RPS6KC1: variants seen among roughly 807,000 people sequenced by gnomAD.
RPS6KC1 encodes ribosomal protein S6 kinase C1.
In RPS6KC1, 54 loss-of-function variants were observed where a neutral mutation model predicts 103.8. The ratio of observed to expected loss-of-function variants is 0.52; its 90% confidence interval spans 0.42 to 0.65. RPS6KC1 has a LOEUF of 0.65. Ranked by LOEUF, RPS6KC1 falls within the 30% of genes least tolerant of loss-of-function variation. The pLI, the probability that RPS6KC1 is intolerant of heterozygous loss-of-function variation, is 0.00. For synonymous variants in RPS6KC1, 439 were observed against 438.7 expected (o/e 1.00, Z -0.01); for missense variants, 1,151 against 1,253.8 (o/e 0.92, Z 1.24).
At chr1:213,317,156 G>A in the RPS6KC1 span, among the ~76,000 whole-genome samples, 4 of 152,210 alleles carry the variant, frequency 2.6e-5, no homozygotes, top group African/African-American at 9.7e-5. Context: ...TATAACTTGG[G>A]TGTATGTAAA....
the RPS6KC1 span, among the ~76,000 whole-genome samples, chr1:213,485,512 G>A: frequency 6.6e-6 from 1 of 152,084 alleles, no homozygotes; most frequent in Non-Finnish European, 1.5e-5. Context: ...GCATCACAAA[G>A]GGAAGAACCA....
At chr1:213,260,415 C>T (rs1175666825) in intron 12 of RPS6KC1, among the ~76,000 whole-genome samples, 3 of 152,144 alleles carry the variant, frequency 2.0e-5, no homozygotes, top group Non-Finnish European at 2.9e-5. Flanking sequence ...GTGTTTTGCA[C>T]AGGAATGGCT....
the RPS6KC1 span, among the ~76,000 whole-genome samples, chr1:213,805,469 A>T: frequency 6.6e-6 from 1 of 152,248 alleles, no homozygotes; most frequent in East Asian, 1.9e-4. Flanking sequence ...TCTCAAAAAA[A>T]CCACTTTCTT....
chr1:213,634,347 A>G, the RPS6KC1 span, among the ~76,000 whole-genome samples: 1 of 152,210 alleles, frequency 6.6e-6, no homozygotes, highest in Non-Finnish European at 1.5e-5. Flanking sequence ...CTCCTTAGCA[A>G]ATGTAAAAGA....
the RPS6KC1 span, among the ~76,000 whole-genome samples, chr1:213,434,321 G>A: frequency 1.3e-5 from 2 of 151,958 alleles, no homozygotes; most frequent in Non-Finnish European, 2.9e-5. Flanking sequence ...AGATATTCTT[G>A]TTGGGTATAG....
the RPS6KC1 span, among the ~76,000 whole-genome samples, chr1:213,288,016 T>G: frequency 6.6e-6 from 1 of 152,230 alleles, no homozygotes; most frequent in Non-Finnish European, 1.5e-5. Context: ...TTAGCACCTA[T>G]TCTCTCCGCA....
chr1:213,769,875 G>C, the RPS6KC1 span, among the ~76,000 whole-genome samples: 2 of 152,126 alleles, frequency 1.3e-5, no homozygotes, highest in Non-Finnish European at 2.9e-5. Flanking sequence ...ACCGGGTGTT[G>C]ATAAAGTAGA....
the RPS6KC1 span, among the ~76,000 whole-genome samples, chr1:213,508,389 G>A: frequency 6.6e-6 from 1 of 152,162 alleles, no homozygotes; most frequent in African/African-American, 2.4e-5. Context: ...GAAAAATTTG[G>A]CCCCCAGAAA....
intron 8 of RPS6KC1, among the ~76,000 whole-genome samples, chr1:213,218,890 G>T (rs925247725): frequency 4.6e-5 from 7 of 152,168 alleles, no homozygotes; most frequent in Non-Finnish European, 1.0e-4. Context: ...AGACTTAAAT[G>T]TTAGACCTAA....
intron 8 of RPS6KC1, among the ~76,000 whole-genome samples, chr1:213,217,641 G>A (rs1462014083): frequency 6.6e-6 from 1 of 152,184 alleles, no homozygotes; most frequent in African/African-American, 2.4e-5. Context: ...CTGGCAAACT[G>A]AATCCAGCAG....
At chr1:213,715,354 G>A in the RPS6KC1 span, among the ~76,000 whole-genome samples, 3 of 152,164 alleles carry the variant, frequency 2.0e-5, no homozygotes, top group Admixed American at 6.5e-5. Flanking sequence ...TCTTCATAGC[G>A]GGTAAGACCA....
chr1:213,587,955 T>C, the RPS6KC1 span, among the ~76,000 whole-genome samples: 2 of 152,314 alleles, frequency 1.3e-5, no homozygotes, highest in Admixed American at 6.5e-5. Flanking sequence ...AATTTATTGT[T>C]CACAGTTTTG....
intron 12 of RPS6KC1, among the ~76,000 whole-genome samples, chr1:213,250,033 A>T (rs2094518430): frequency 6.6e-6 from 1 of 152,182 alleles, no homozygotes; most frequent in Non-Finnish European, 1.5e-5. Flanking sequence ...GCCTAGCCTG[A>T]ACTAGCTGAG....
At chr1:213,215,286 A>C (rs1271256360) in intron 8 of RPS6KC1, among the ~76,000 whole-genome samples, 1 of 152,220 alleles carries the variant, frequency 6.6e-6, no homozygotes, top group East Asian at 1.9e-4. Context: ...CAGTGATGGA[A>C]GATCAAATGA....
the RPS6KC1 span, among the ~76,000 whole-genome samples, chr1:213,464,757 C>T: frequency 6.6e-6 from 1 of 151,358 alleles, no homozygotes; most frequent in African/African-American, 2.4e-5. Flanking sequence ...TTTTTCATTT[C>T]AAAATAGTTT....
the RPS6KC1 span, among the ~76,000 whole-genome samples, chr1:213,442,866 A>C: frequency 2.0e-5 from 3 of 151,668 alleles, no homozygotes; most frequent in African/African-American, 7.3e-5. Flanking sequence ...CAGGCACTTG[A>C]TCCATCTGGG....
At chr1:213,117,274 T>C (rs768430576) in intron 4 of RPS6KC1, 43 bp from the exon 5 acceptor site, 2 of 1,141,580 alleles carry the variant, frequency 1.8e-6, no homozygotes, top group Non-Finnish European at 2.6e-6. Context: ...GTGTTGTTTA[T>C]GCTCTTAATG....
intron 3 of RPS6KC1, among the ~76,000 whole-genome samples, chr1:213,086,492 G>A (rs988998818): frequency 3.9e-5 from 6 of 152,196 alleles, no homozygotes; most frequent in African/African-American, 1.4e-4. Context: ...CCTTGGCAAG[G>A]AGGCACCTCT....
chr1:213,238,940 A>G (rs1395229911), intron 10 of RPS6KC1, among the ~76,000 whole-genome samples: 2 of 152,190 alleles, frequency 1.3e-5, no homozygotes, highest in African/African-American at 4.8e-5. Context: ...TTTAGGTTCA[A>G]GCATTGTTAG....
Sources: allele counts gnomAD v4.1 joint callset (sites outside exome capture counted in the v4.1 genomes callset), GRCh38; gene constraint gnomAD v4.1.1; transcripts MANE v1.5; gene names NCBI Gene and HGNC (gene_info 2026-07-23, HGNC 2026-07-21).